CELF2: variants seen among roughly 807,000 people sequenced by gnomAD.
CELF2 encodes the protein CUGBP Elav-like family member 2, also known as CUG triplet repeat RNA-binding protein 2.
CELF2 carries 8 observed loss-of-function variants against 62.6 expected under a neutral mutation model. The observed-to-expected ratio is 0.13, with a 90% confidence interval of 0.07 to 0.23. The LOEUF (loss-of-function observed/expected upper bound fraction) is 0.23. Ranked by LOEUF, CELF2 falls within the 10% of genes least tolerant of loss-of-function variation. CELF2 has a pLI of 1.00. For missense variants in CELF2, 333 were observed against 671.0 expected (o/e 0.50, Z 5.56); for synonymous variants, 258 against 250.0 (o/e 1.03, Z -0.30).
chr10:10,658,314 T>C, the CELF2 span, among the ~76,000 whole-genome samples: 1 of 152,222 alleles, frequency 6.6e-6, no homozygotes, highest in Non-Finnish European at 1.5e-5. Context: ...TCTTAAACTG[T>C]TGTGCAATCA....
the CELF2 span, among the ~76,000 whole-genome samples, chr10:10,611,917 A>G: frequency 6.6e-6 from 1 of 152,230 alleles, no homozygotes; most frequent in East Asian, 1.9e-4. Context: ...GCAGTGATTC[A>G]TATTGATCCA....
At chr10:10,791,479 A>G in the CELF2 span, among the ~76,000 whole-genome samples, 586 of 151,604 alleles carry the variant, frequency 3.9e-3, 3 homozygotes, top group Non-Finnish European at 6.1e-3. Flanking sequence ...TTCTCATTAA[A>G]TTATGACTTT....
At chr10:10,532,100 A>G in the CELF2 span, among the ~76,000 whole-genome samples, 7 of 152,248 alleles carry the variant, frequency 4.6e-5, no homozygotes, top group East Asian at 1.3e-3. Context: ...GGTGAAAGGT[A>G]CTCAAGTTCT....
At chr10:10,652,457 A>C in the CELF2 span, among the ~76,000 whole-genome samples, 1 of 131,248 alleles carries the variant, frequency 7.6e-6, no homozygotes, top group Non-Finnish European at 1.6e-5. Flanking sequence ...AAAAAATGTT[A>C]AGGGCAGCCA....
chr10:11,202,479 T>A (rs2059433913), intron 2 of CELF2, among the ~76,000 whole-genome samples: 4 of 152,176 alleles, frequency 2.6e-5, no homozygotes, highest in Non-Finnish European at 5.9e-5. Flanking sequence ...CAAATTTGGA[T>A]CCTAGACTGC....
At chr10:10,513,672 G>T in the CELF2 span, among the ~76,000 whole-genome samples, 7 of 151,894 alleles carry the variant, frequency 4.6e-5, no homozygotes, top group African/African-American at 1.7e-4. Flanking sequence ...TAATCCAAAA[G>T]GTGTATCTTA....
upstream of CELF2, among the ~76,000 whole-genome samples, chr10:11,003,105 G>A (rs2054683124): frequency 6.6e-6 from 1 of 152,164 alleles, no homozygotes; most frequent in Admixed American, 6.5e-5. This position sits in a 1 kb window ranked among gnomAD's most constrained non-coding sequence, Gnocchi z 4.4. Flanking sequence ...GCACATGGTG[G>A]ATGTAAAGCC....
chr10:10,989,182 T>C (rs1254432098), intron 2 of CELF2, among the ~76,000 whole-genome samples: 1 of 152,188 alleles, frequency 6.6e-6, no homozygotes, highest in Admixed American at 6.5e-5. Flanking sequence ...ATTAAATTTT[T>C]CCCAGATAAA....
intron 1 of CELF2, among the ~76,000 whole-genome samples, chr10:10,870,832 A>AGTC (rs997571057): frequency 6.6e-6 from 1 of 152,202 alleles, no homozygotes; most frequent in African/African-American, 2.4e-5. Flanking sequence ...GCCTGAGCAC[A>AGTC]GTCTCCAAAC....
At chr10:11,065,115 T>A (rs1370287965) in intron 1 of CELF2, among the ~76,000 whole-genome samples, 2 of 152,232 alleles carry the variant, frequency 1.3e-5, no homozygotes, top group African/African-American at 4.8e-5. Flanking sequence ...AGGGTGAGTT[T>A]CCTTTCATAA....
At chr10:10,791,030 T>G in the CELF2 span, among the ~76,000 whole-genome samples, 2 of 152,170 alleles carry the variant, frequency 1.3e-5, no homozygotes, top group East Asian at 3.9e-4. Context: ...GTTATGAGTA[T>G]TTAGTGGGCT....
At chr10:11,096,938 C>G (rs2050047481) in intron 1 of CELF2, among the ~76,000 whole-genome samples, 1 of 152,134 alleles carries the variant, frequency 6.6e-6, no homozygotes, top group Non-Finnish European at 1.5e-5. Flanking sequence ...TCCTCCTCCT[C>G]CTTTCCTTCC....
intron 1 of CELF2, among the ~76,000 whole-genome samples, chr10:11,088,564 C>CGTGCATACCCCTGCTCACCT (rs1554827871): frequency 6.6e-6 from 1 of 151,860 alleles, no homozygotes; most frequent in African/African-American, 2.4e-5. Context: ...CTAGCAGAGC[C>CGTGCATACCCCTGCTCACCT]GGATTTCTCA....
chr10:10,769,431 T>C, the CELF2 span, among the ~76,000 whole-genome samples: 1 of 152,142 alleles, frequency 6.6e-6, no homozygotes, highest in Non-Finnish European at 1.5e-5. Flanking sequence ...GGTTAGTGAC[T>C]GGTAGATCAC....
At chr10:10,708,398 TA>T in the CELF2 span, among the ~76,000 whole-genome samples, 1 of 152,212 alleles carries the variant, frequency 6.6e-6, no homozygotes, top group Non-Finnish European at 1.5e-5. Flanking sequence ...TCAAAGTAAT[TA>T]ATTTATGTAT....
chr10:11,327,477 G>A (rs1591666215), intron 12 of CELF2, among the ~76,000 whole-genome samples: 1 of 152,132 alleles, frequency 6.6e-6, no homozygotes, highest in African/African-American at 2.4e-5. Flanking sequence ...CATTTTTGTG[G>A]AACGCTATAG....
intron 1 of CELF2, among the ~76,000 whole-genome samples, chr10:10,857,208 A>G (rs915993466): frequency 6.6e-6 from 1 of 152,150 alleles, no homozygotes; most frequent in Non-Finnish European, 1.5e-5. Context: ...TAACCTTCTC[A>G]TGCACTGGGG....
chr10:11,041,260 G>A (rs1420810954), intron 1 of CELF2, among the ~76,000 whole-genome samples: 2 of 152,184 alleles, frequency 1.3e-5, no homozygotes, highest in African/African-American at 4.8e-5. Context: ...TTGGGGGTTA[G>A]GACTTTAACA....
rs909879111 is a variant in CELF2 at position 11,280,463 on chromosome 10, T to C, written c.841+5343T>C. Among the ~76,000 whole-genome samples the C allele has an allele frequency of 8.5e-5, 13 of 152,220 alleles. No homozygotes were observed. The East Asian group carries it at 1.7e-3, about 20-fold the overall frequency. ...AGGAGGGGAAGGCAGGCAGGTGCGA[T>C]GTCCACGTTCCGGGTGATGGCGCTG... On this transcript the variant is annotated intron_variant, in intron 8 of 12. Coordinates refer to ENST00000633077, the MANE Select transcript of CELF2 (RefSeq NM_001326342.2). The surrounding 1 kb of genome is among the most constrained non-coding windows in gnomAD (Gnocchi z 7.6).
Sources: gnomAD v4.1 joint callset for allele counts (sites outside exome capture counted in the v4.1 genomes callset) on GRCh38, gnomAD v4.1.1 for gene constraint, Gnocchi (gnomAD v3.1) non-coding constraint, MANE v1.5 for transcripts, NCBI Gene and HGNC (gene_info 2026-07-23, HGNC 2026-07-21) for gene names.